The following PDE8B variants were observed in gnomAD, a reference collection of about 807,000 sequenced individuals.
The protein encoded by PDE8B is high affinity cAMP-specific and IBMX-insensitive 3',5'-cyclic phosphodiesterase 8B.
A neutral mutation model predicts 101.3 loss-of-function variants in PDE8B; 26 were observed. The ratio of observed to expected loss-of-function variants is 0.26; its 90% CI spans 0.19 to 0.36. PDE8B has a LOEUF of 0.36. PDE8B is among the 10% of genes least tolerant of loss of function. PDE8B has a pLI of 1.00. For missense variants in PDE8B, 810 were observed against 1,163.1 expected, an observed-to-expected ratio of 0.70 and a Z score of 4.42; for synonymous variants, 424 against 429.3, an observed-to-expected ratio of 0.99 and a Z score of 0.15.
intron 1 of PDE8B, among the ~76,000 whole-genome samples, chr5:77,229,839 C>G (rs1044230598): frequency 2.0e-5 from 3 of 152,190 alleles, no homozygotes; most frequent in African/African-American, 7.2e-5. Flanking sequence ...ATCCATTCAT[C>G]TATTGACGGA....
In PDE8B at chr5:77,405,133, C is replaced by CT. The variant is rs938130876; in HGVS notation, c.1288+338dup. Among the ~76,000 whole-genome samples the CT allele has an allele frequency of 3.0e-4, 45 of 152,220 alleles. 1 individual carries two copies. Among genetic ancestry groups the CT allele is most frequent in the Admixed American group, 7.9e-4 (12 of 15,278 alleles). On this transcript the variant is annotated intron_variant, in intron 12 of 21. Transcript: ENST00000264917. ...GAGGCAGAGAGGCAGCCAGTCCTGG[C>CT]TTCCCAACTCCCAACACAAACCTAG...
At chr5:77,146,466 A>C in the PDE8B span, 1 of 153,914 alleles carries the variant, frequency 6.5e-6, no homozygotes, top group South Asian at 2.0e-4. Flanking sequence ...ATATTATATA[A>C]GATTCTGAGT....
At chr5:77,174,684 G>C in the PDE8B span, among the ~76,000 whole-genome samples, 1 of 152,112 alleles carries the variant, frequency 6.6e-6, no homozygotes, top group Non-Finnish European at 1.5e-5. Context: ...CCTGGGCTCT[G>C]CTGGTATCTC....
Position 77,412,149 on chromosome 5 carries a change from T to TG in PDE8B, c.1627dup (p.Val543GlyfsTer10), listed in dbSNP as rs779441343. The TG allele has an allele frequency of 6.2e-7, 1 of 1,613,798 alleles. No individual in the cohort carries two copies. Among genetic ancestry groups the TG allele is most frequent in the African/African-American group, 1.3e-5 (1 of 74,942 alleles). On this transcript the variant is annotated frameshift_variant, in exon 16 of 22. Coordinates refer to ENST00000264917, the MANE Select transcript of PDE8B (RefSeq NM_003719.5). LOFTEE classifies it high-confidence loss of function. ...TTGCAATGCCAATAACCATCAATGA[T>TG]GTTCCCCCTTGTATCTCTCAATTAC...
intron 1 of PDE8B, among the ~76,000 whole-genome samples, chr5:77,254,504 G>A (rs832785): frequency 0.69 from 105,517 of 151,972 alleles, 37,070 homozygotes; most frequent in East Asian, 0.95. Flanking sequence ...TCGTTACCAA[G>A]CTCCCAAAAC....
chr5:77,318,297 C>T (rs1301182840), intron 2 of PDE8B, among the ~76,000 whole-genome samples: 2 of 152,242 alleles, frequency 1.3e-5, no homozygotes, highest in East Asian at 3.9e-4. Context: ...ACTGCTGCTA[C>T]CAGGTTGTGT....
chr5:77,353,243 G>A (rs990364902), intron 9 of PDE8B, 103 bp from the exon 10 acceptor site: 11 of 755,554 alleles, frequency 1.5e-5, no homozygotes, highest in South Asian at 4.3e-5. Flanking sequence ...GCCCTAGGAC[G>A]AACCCTGGAG....
intron 20 of PDE8B, among the ~76,000 whole-genome samples, chr5:77,424,435 A>G (rs565741143): frequency 6.2e-4 from 95 of 152,366 alleles, no homozygotes; most frequent in Admixed American, 1.1e-3. Flanking sequence ...ACCACCAGGA[A>G]ATGCGGATCC....
At chr5:77,124,966 T>C in the PDE8B span, among the ~76,000 whole-genome samples, 1 of 152,272 alleles carries the variant, frequency 6.6e-6, no homozygotes, top group East Asian at 1.9e-4. Flanking sequence ...TCTTCACACC[T>C]GTTAGGATTT....
chr5:77,263,063 A>C (rs1760962367), intron 1 of PDE8B, among the ~76,000 whole-genome samples: 2 of 152,214 alleles, frequency 1.3e-5, no homozygotes, highest in African/African-American at 4.8e-5. Flanking sequence ...GTTGACTCTA[A>C]GGCTTACATA....
chr5:77,099,172 A>G, the PDE8B span, among the ~76,000 whole-genome samples: 1 of 152,206 alleles, frequency 6.6e-6, no homozygotes, highest in Non-Finnish European at 1.5e-5. Context: ...CTGTAATTAT[A>G]TATGTGAAGT....
intron 11 of PDE8B, 44 bp from the exon 12 acceptor site, chr5:77,404,675 AC>A: frequency 9.2e-7 from 1 of 1,084,506 alleles, no homozygotes. Context: ...TTCTGTGAAT[AC>A]ACGGAAAACT....
intron 1 of PDE8B, among the ~76,000 whole-genome samples, chr5:77,299,447 G>A (rs1201151824): frequency 8.6e-5 from 9 of 105,178 alleles, no homozygotes; most frequent in East Asian, 8.5e-4. Flanking sequence ...AACAGTCCCC[G>A]GAGTGTGATG....
intron 1 of PDE8B, among the ~76,000 whole-genome samples, chr5:77,245,238 C>G (rs1756613167): frequency 6.6e-6 from 1 of 152,076 alleles, no homozygotes; most frequent in Non-Finnish European, 1.5e-5. Flanking sequence ...CTCCTACTCT[C>G]CAAATTAGCG....
intron 1 of PDE8B, among the ~76,000 whole-genome samples, chr5:77,285,414 T>A (rs189992413): frequency 5.3e-4 from 81 of 152,330 alleles, no homozygotes; most frequent in African/African-American, 1.9e-3. Context: ...TCCAGAAATG[T>A]CTTAACTTGA....
chr5:77,246,783 G>A (rs1017474134), intron 1 of PDE8B: 2 of 152,148 alleles, frequency 1.3e-5, no homozygotes, highest in African/African-American at 4.8e-5. Context: ...CTGTGAGCTC[G>A]TTGAGGAAAG....
upstream of PDE8B, among the ~76,000 whole-genome samples, chr5:77,205,804 A>G (rs1416905020): frequency 6.6e-6 from 1 of 152,076 alleles, no homozygotes; most frequent in African/African-American, 2.4e-5. Context: ...GTACGTATCT[A>G]TTTTTAACCT....
At chr5:77,271,447 G>GT (rs1424655286) in intron 1 of PDE8B, among the ~76,000 whole-genome samples, 3 of 152,204 alleles carry the variant, frequency 2.0e-5, no homozygotes, top group Non-Finnish European at 4.4e-5. Context: ...TGGGGATAGG[G>GT]GTGTAGATGG....
At chr5:77,235,434 C>A (rs1296072582) in intron 1 of PDE8B, among the ~76,000 whole-genome samples, 2 of 152,168 alleles carry the variant, frequency 1.3e-5, no homozygotes, top group African/African-American at 4.8e-5. Context: ...CTGGGACATG[C>A]TCATGTTTCT....
Sources: allele counts gnomAD v4.1 joint callset (sites outside exome capture counted in the v4.1 genomes callset), GRCh38; gene constraint gnomAD v4.1.1; transcripts MANE v1.5; gene names NCBI Gene and HGNC (gene_info 2026-07-23, HGNC 2026-07-21).